EPHB1: variants seen among roughly 807,000 people sequenced by gnomAD.
EPHB1 encodes EPH receptor B1.
In EPHB1, 30 loss-of-function variants were observed where a neutral mutation model predicts 94.4. The observed-to-expected ratio is 0.32, with a 90% CI of 0.24 to 0.43. The LOEUF (loss-of-function observed/expected upper bound fraction) is 0.43, where lower values mean the gene tolerates loss of function less well. EPHB1 is among the 20% of genes least tolerant of loss of function. The pLI, the probability that EPHB1 is intolerant of heterozygous loss-of-function variation, is 1.00. For synonymous variants in EPHB1, 522 were observed against 489.1 expected (o/e 1.07, Z -0.89); for missense variants, 1,055 against 1,308.3 (o/e 0.81, Z 2.99).
intron 1 of EPHB1, among the ~76,000 whole-genome samples, chr3:134,845,246 A>G (rs2036850682): frequency 6.6e-6 from 1 of 152,230 alleles, no homozygotes; most frequent in Non-Finnish European, 1.5e-5. Context: ...CATCTAGAAC[A>G]ATACTTGTCA....
intron 5 of EPHB1, among the ~76,000 whole-genome samples, chr3:135,137,426 G>C (rs1375515103): frequency 2.0e-5 from 3 of 152,198 alleles, no homozygotes; most frequent in Non-Finnish European, 4.4e-5. Context: ...TTAGCCTGTT[G>C]GCGATGGTTT....
chr3:134,984,323 C>A (rs1934517475), intron 3 of EPHB1, among the ~76,000 whole-genome samples: 1 of 152,116 alleles, frequency 6.6e-6, no homozygotes, highest in South Asian at 2.1e-4. Context: ...ACTGATCCCA[C>A]CACCCATGTG....
intron 3 of EPHB1, among the ~76,000 whole-genome samples, chr3:135,024,960 G>A (rs570515372): frequency 6.6e-5 from 10 of 151,562 alleles, no homozygotes; most frequent in Non-Finnish European, 1.2e-4. Flanking sequence ...ATATATCCAT[G>A]TGGTAATTAT....
At chr3:134,986,917 C>T (rs1934621484) in intron 3 of EPHB1, among the ~76,000 whole-genome samples, 1 of 152,118 alleles carries the variant, frequency 6.6e-6, no homozygotes, top group African/African-American at 2.4e-5. Flanking sequence ...AAAATCTCAC[C>T]ACATTGCATT....
chr3:135,017,836 G>A (rs916529172), intron 3 of EPHB1, among the ~76,000 whole-genome samples: 4 of 152,218 alleles, frequency 2.6e-5, no homozygotes, highest in African/African-American at 9.6e-5. Flanking sequence ...GCATGCCCAA[G>A]TGTCCATGCA....
intron 4 of EPHB1, among the ~76,000 whole-genome samples, chr3:135,120,276 C>T (rs559272300): frequency 5.9e-5 from 9 of 152,264 alleles, no homozygotes; most frequent in African/African-American, 1.7e-4. Flanking sequence ...TTACGTTCTT[C>T]GGTAAAGTTT....
At chr3:134,869,064 A>T (rs1305225007) in intron 1 of EPHB1, among the ~76,000 whole-genome samples, 1 of 152,220 alleles carries the variant, frequency 6.6e-6, no homozygotes, top group Non-Finnish European at 1.5e-5. Flanking sequence ...CCTCACAGTG[A>T]TACTTCACAG....
At position 134,925,898 on chromosome 3, in the gene EPHB1, C is replaced by A; in HGVS notation, c.123+18C>A. The A allele has an allele frequency of 6.3e-7, 1 of 1,588,548 alleles. No individual in the cohort carries two copies. The highest frequency in any genetic ancestry group is 8.6e-7 in the Non-Finnish European group (1 of 1,166,434). On this transcript the variant is annotated intron_variant, in intron 2 of 15. Coordinates refer to ENST00000398015, the MANE Select transcript of EPHB1 (RefSeq NM_004441.5). ...CGTCCGGGGTGAGTATCAAACCATT[C>A]GTCTTTCAGTCCTGCTATGAGGTCC... is the stretch of plus-strand genomic sequence containing the variant.
At chr3:135,203,852 T>C (rs1018604378) in intron 12 of EPHB1, among the ~76,000 whole-genome samples, 11 of 152,182 alleles carry the variant, frequency 7.2e-5, no homozygotes, top group African/African-American at 2.7e-4. Flanking sequence ...TAGCAAACAT[T>C]CACACTCTAC....
intron 12 of EPHB1, among the ~76,000 whole-genome samples, chr3:135,234,037 C>G (rs745376744): frequency 2.6e-5 from 4 of 152,178 alleles, no homozygotes; most frequent in Non-Finnish European, 5.9e-5. Flanking sequence ...CTCTGACATG[C>G]CCTGGAGACT....
intron 1 of EPHB1, among the ~76,000 whole-genome samples, chr3:134,811,856 C>G (rs2036186568): frequency 6.6e-6 from 1 of 152,194 alleles, no homozygotes; most frequent in Non-Finnish European, 1.5e-5. Flanking sequence ...GAAAGGATGT[C>G]CACCTTAGCT....
chr3:135,011,674 C>T (rs1221249202), intron 3 of EPHB1, among the ~76,000 whole-genome samples: 2 of 152,182 alleles, frequency 1.3e-5, no homozygotes, highest in East Asian at 1.9e-4. Flanking sequence ...AGCTATCCCA[C>T]AGGTCCCCAC....
chr3:134,915,369 A>T (rs1374229708), intron 1 of EPHB1, among the ~76,000 whole-genome samples: 3 of 152,020 alleles, frequency 2.0e-5, no homozygotes, highest in Non-Finnish European at 4.4e-5. Context: ...GGAGAGCAGC[A>T]TGTGACGAGG....
chr3:135,191,882 C>G (rs538195655), intron 10 of EPHB1, among the ~76,000 whole-genome samples: 1 of 152,338 alleles, frequency 6.6e-6, no homozygotes, highest in East Asian at 1.9e-4. Flanking sequence ...CAGCCCCCAG[C>G]CAATGACTGA....
chr3:134,961,354 G>A (rs1379413999), intron 3 of EPHB1, among the ~76,000 whole-genome samples: 1 of 152,160 alleles, frequency 6.6e-6, no homozygotes, highest in East Asian at 1.9e-4. Flanking sequence ...TTCCACAGTG[G>A]TCCTCAGCCT....
At chr3:135,230,801 T>C (rs1943516061) in intron 12 of EPHB1, among the ~76,000 whole-genome samples, 1 of 152,212 alleles carries the variant, frequency 6.6e-6, no homozygotes, top group African/African-American at 2.4e-5. Flanking sequence ...CTCCCATTTA[T>C]AAGTGAGAAT....
rs371691114 is a variant in EPHB1 at position 135,156,090 on chromosome 3, G to C, written c.1422+1814G>C. Among the ~76,000 whole-genome samples, 19 of 152,178 alleles carry C rather than the reference G, an allele frequency of 1.2e-4. 1 individual carries two copies. The highest frequency in any genetic ancestry group is 1.0e-3 in the Admixed American group (16 of 15,262). Reference sequence around the variant, plus strand: ...GGGAAGGTTTTAGCCTGAACCACTAGAACGATGTAGCCGGCACTGACTGAG... The same window carrying C: ...GGGAAGGTTTTAGCCTGAACCACTACAACGATGTAGCCGGCACTGACTGAG... On this transcript the variant is annotated intron_variant, in intron 6 of 15. Transcript: ENST00000398015.
chr3:134,964,630 C>G (rs1174789788), intron 3 of EPHB1, among the ~76,000 whole-genome samples: 1 of 152,204 alleles, frequency 6.6e-6, no homozygotes, highest in Non-Finnish European at 1.5e-5. Flanking sequence ...CTGGGTCTGT[C>G]ACACACATGC....
At chr3:134,976,221 A>G (rs1934187891) in intron 3 of EPHB1, among the ~76,000 whole-genome samples, 2 of 152,176 alleles carry the variant, frequency 1.3e-5, no homozygotes, top group South Asian at 4.1e-4. Context: ...GCAGCTAGGG[A>G]GGAGCAGGCA....
Sources: allele counts gnomAD v4.1 joint callset (sites outside exome capture counted in the v4.1 genomes callset), GRCh38; gene constraint gnomAD v4.1.1; transcripts MANE v1.5; gene names NCBI Gene and HGNC (gene_info 2026-07-23, HGNC 2026-07-21).